The following DAGLA variants were observed in gnomAD, a reference collection of about 807,000 sequenced individuals.
DAGLA encodes diacylglycerol lipase alpha, also known as diacylglycerol lipase-alpha.
Under a neutral mutation model 102.6 loss-of-function variants are expected in DAGLA, and 22 were observed. The ratio of observed to expected loss-of-function variants is 0.21; its 90% confidence interval spans 0.15 to 0.31. The LOEUF (loss-of-function observed/expected upper bound fraction) is 0.31, where lower values mean the gene tolerates loss of function less well. Among genes scored for constraint, DAGLA ranks in the 10% least tolerant of loss-of-function variants. The pLI is 1.00. For missense variants in DAGLA, 927 were observed against 1,446.6 expected (o/e 0.64, Z 5.83); for synonymous variants, 578 against 628.9 (o/e 0.92, Z 1.21).
chr11:61,735,572 G>A lies in DAGLA; in HGVS notation c.1140G>A (p.Thr380=), dbSNP rs201855852. 5.1e-5 allele frequency: 82 copies of A among 1,613,882 alleles called. No homozygotes were observed. The highest frequency in any genetic ancestry group is 6.4e-5 in the Non-Finnish European group (75 of 1,179,928). ...TGCCCGCCTCCTAGGTCTATGAAAC[G>A]CCCTTCTACGTGGCGGTGGACCATG... is the stretch of plus-strand genomic sequence containing the variant. ...YTSCHDAVYE[T]PFYVAVDHDK... is the part of the protein sequence containing the mutation. Residue 380 remains threonine (T), a synonymous_variant, in exon 11 of 20, where the codon ACG becomes ACA. Transcript: ENST00000257215.
In DAGLA at chr11:61,728,227, T is replaced by C; in HGVS notation, c.711T>C (p.Ile237=). Residue 237 remains isoleucine (I), a synonymous_variant, in exon 7 of 20, where the codon ATT becomes ATC. Transcript: ENST00000257215. ...TTGACATTGTGCCATCCGACATCAT[T>C]GCTGGCCTGGTGCTGCTCCGGCAGC... ...RDLDIVPSDI[I]AGLVLLRQRQ... is the part of the protein sequence containing the mutation. 1 of 1,614,098 alleles carries C rather than the reference T, an allele frequency of 6.2e-7. No homozygotes were observed. Among genetic ancestry groups the C allele is most frequent in the East Asian group, 2.2e-5 (1 of 44,888 alleles).
intron 1 of DAGLA, among the ~76,000 whole-genome samples, chr11:61,695,306 T>C (rs1014623235): frequency 1.3e-5 from 2 of 152,236 alleles, no homozygotes; most frequent in Non-Finnish European, 2.9e-5. Flanking sequence ...TGCCTGGGGC[T>C]GAGCAGTGGT....
intron 1 of DAGLA, among the ~76,000 whole-genome samples, chr11:61,688,248 G>A (rs2065000122): frequency 6.6e-6 from 1 of 151,112 alleles, no homozygotes; most frequent in Admixed American, 6.6e-5. Flanking sequence ...CCGGGAGGCG[G>A]AGCTTGCAGT....
At chr11:61,691,956 G>T (rs920188357) in intron 1 of DAGLA, among the ~76,000 whole-genome samples, 1 of 152,210 alleles carries the variant, frequency 6.6e-6, no homozygotes, top group Non-Finnish European at 1.5e-5. Context: ...GTGCTTCTTT[G>T]ATGGGCACAC....
Position 61,734,940 on chromosome 11 carries a change from C to A in DAGLA, c.1066C>A (p.Arg356Ser). 1.2e-6 allele frequency: 2 copies of A among 1,614,090 alleles called. No homozygotes were observed. Among genetic ancestry groups the A allele is most frequent in the Non-Finnish European group, 1.7e-6 (2 of 1,179,974 alleles). Reference protein sequence around the residue: ...CCGCNAIAIRRHFLDENMTAV... With the variant: ...CCGCNAIAIRSHFLDENMTAV... ...TGGCTGTAATGCCATTGCCATCCGGCGCCACTTCCTGGACGAGAACATGAC... is the reference window on the plus strand; with the variant it reads ...TGGCTGTAATGCCATTGCCATCCGGAGCCACTTCCTGGACGAGAACATGAC... Residue 356 changes from arginine to serine, a missense_variant, in exon 10 of 20, where the codon CGC becomes AGC. By Grantham distance (110) the Arg-to-Ser change is moderately radical (BLOSUM62 -1). Around this residue, in one of 4 missense-constraint regions of DAGLA, gnomAD observed 218 missense variants for 459.6 expected, o/e 0.47. Coordinates refer to ENST00000257215, the MANE Select transcript of DAGLA (RefSeq NM_006133.3). This position sits in a 1 kb window ranked among gnomAD's most constrained non-coding sequence, Gnocchi z 4.2.
chr11:61,737,026 C>T (rs1280628398), intron 13 of DAGLA, among the ~76,000 whole-genome samples, 156 bp from the exon 14 acceptor site: 1 of 152,214 alleles, frequency 6.6e-6, no homozygotes, highest in African/African-American at 2.4e-5. Context: ...CTCTGTGGGG[C>T]CCTATCTTGG....
At chr11:61,688,028 T>G (rs2135548431) in intron 1 of DAGLA, among the ~76,000 whole-genome samples, 1 of 152,094 alleles carries the variant, frequency 6.6e-6, no homozygotes, top group East Asian at 1.9e-4. Flanking sequence ...AACAAAGGAT[T>G]AGGGATGGCT....
At chr11:61,691,540 C>T (rs12797206) in intron 1 of DAGLA, among the ~76,000 whole-genome samples, 31,591 of 152,214 alleles carry the variant, frequency 0.21, 3,639 homozygotes, top group South Asian at 0.31. Context: ...GGTGGGACCC[C>T]CCCCAACCCA....
In DAGLA at chr11:61,686,150, A is replaced by G. The variant is rs1416375954; in HGVS notation, c.-45+5646A>G. 6.6e-6 allele frequency among the ~76,000 whole-genome samples: 1 copy of G among 151,968 alleles called. No individual in the cohort carries two copies. Among genetic ancestry groups the G allele is most frequent in the African/African-American group, 2.4e-5 (1 of 41,352 alleles). ...CCACTCTGCAGGGGAAAGGGGAGAG[A>G]CAAAGCCTGGTTGATTATGGAAGGG... On this transcript the variant is annotated intron_variant, in intron 1 of 19. Transcript: ENST00000257215. This position sits in a 1 kb window ranked among gnomAD's most constrained non-coding sequence, Gnocchi z 5.2.
intron 1 of DAGLA, among the ~76,000 whole-genome samples, chr11:61,697,958 T>TG (rs2065080071): frequency 6.6e-6 from 1 of 152,208 alleles, no homozygotes. Flanking sequence ...CTGGGAGTCA[T>TG]GGGGCAAAGT....
At chr11:61,716,673 C>T (rs2065238255) in intron 1 of DAGLA, among the ~76,000 whole-genome samples, 1 of 152,168 alleles carries the variant, frequency 6.6e-6, no homozygotes, top group South Asian at 2.1e-4. Flanking sequence ...CACCGCCTGT[C>T]GCTGCCGCCC....
chr11:61,725,959 T>A, intron 5 of DAGLA, 36 bp from the exon 6 acceptor site: 1 of 1,593,386 alleles, frequency 6.3e-7, no homozygotes, highest in Non-Finnish European at 8.6e-7. Context: ...GGTCCAGCCC[T>A]CTGACCTCAC....
At chr11:61,698,464 CT>C in intron 1 of DAGLA, among the ~76,000 whole-genome samples, 1 of 152,322 alleles carries the variant, frequency 6.6e-6, no homozygotes, top group East Asian at 1.9e-4. Context: ...TTGGTTTCTG[CT>C]TTTGGAGATG....
chr11:61,745,586 C>T lies in DAGLA; in HGVS notation c.*1097C>T, dbSNP rs1379487961. On this transcript the variant is annotated 3_prime_UTR_variant, in exon 20 of 20. Coordinates refer to ENST00000257215, the MANE Select transcript of DAGLA (RefSeq NM_006133.3). Reference sequence around the variant, plus strand: ...TGGGCCTTGGCTGGAGACCTCTGTCCACTGCCCAGGGAGGGGCCTGGGGCT... The same window carrying T: ...TGGGCCTTGGCTGGAGACCTCTGTCTACTGCCCAGGGAGGGGCCTGGGGCT... 1 of 152,698 alleles carries T rather than the reference C, an allele frequency of 6.5e-6. No homozygotes were observed. The highest frequency in any genetic ancestry group is 1.5e-5 in the Non-Finnish European group (1 of 68,124). 9.5% of individuals were successfully genotyped at this position (152,698 alleles called of 1,614,324 possible).
Position 61,738,217 on chromosome 11 carries a change from C to T in DAGLA, c.1656+10C>T. ...AAGCACCAAGCCCAAAGTGAGCCCC[C>T]ACCTGGGCACCCTGCCTCTGTGCAG... On this transcript the variant is annotated intron_variant, in intron 16 of 19. Transcript: ENST00000257215. 3 of 1,609,638 alleles carry T rather than the reference C, an allele frequency of 1.9e-6. No individual in the cohort carries two copies. The highest frequency in any genetic ancestry group is 2.2e-5 in the South Asian group (2 of 90,950).
At chr11:61,730,963 C>T (rs930531613) in intron 8 of DAGLA, among the ~76,000 whole-genome samples, 4 of 152,220 alleles carry the variant, frequency 2.6e-5, no homozygotes, top group African/African-American at 9.6e-5. Context: ...GGGCTGATTG[C>T]CGAGGTGGGG....
At chr11:61,685,066 C>G (rs1356071759) in intron 1 of DAGLA, among the ~76,000 whole-genome samples, 2 of 152,130 alleles carry the variant, frequency 1.3e-5, no homozygotes, top group East Asian at 3.9e-4. Context: ...CCTTGAACCA[C>G]CTGGAAGTCA....
chr11:61,738,996 C>T (rs198442), intron 16 of DAGLA, among the ~76,000 whole-genome samples: 66,339 of 152,108 alleles, frequency 0.44, 15,022 homozygotes, highest in East Asian at 0.8. Context: ...ACTTTGCCTG[C>T]CTGGAGGAGC....
intron 1 of DAGLA, among the ~76,000 whole-genome samples, chr11:61,709,605 C>T (rs2065177240): frequency 6.6e-6 from 1 of 152,140 alleles, no homozygotes; most frequent in African/African-American, 2.4e-5. Context: ...CACTGAGATC[C>T]CCCTCATTGA....
Sources: allele counts gnomAD v4.1 joint callset (sites outside exome capture counted in the v4.1 genomes callset), GRCh38; gene constraint gnomAD v4.1.1; regional missense constraint gnomAD v4.1.1; non-coding constraint Gnocchi (gnomAD v3.1); transcripts MANE v1.5; gene names NCBI Gene and HGNC (gene_info 2026-07-23, HGNC 2026-07-21).